Variants in DYSF observed in about 807,000 individuals in gnomAD.
DYSF encodes dystrophy-associated fer-1-like 1.
Under a neutral mutation model 274.9 loss-of-function variants are expected in DYSF, and 212 were observed. The observed-to-expected ratio is 0.77, with a 90% confidence interval of 0.69 to 0.86. The LOEUF is 0.86. Among genes scored for constraint, DYSF ranks in the 40% least tolerant of loss-of-function variants. The pLI is 0.00. For missense variants in DYSF, 2,666 were observed against 2,783.2 expected, an observed-to-expected ratio of 0.96 and a Z score of 0.95; for synonymous variants, 1,091 against 1,078.7, an observed-to-expected ratio of 1.01 and a Z score of -0.22.
chr2:71,520,158 T>C lies in DYSF; in HGVS notation c.1003-20T>C. On this transcript the variant is annotated intron_variant, in intron 10 of 55. Coordinates refer to ENST00000410020, the MANE Select transcript of DYSF (RefSeq NM_001130987.2). ...TTTGGCGGCAAGAGTTTGATTTGTG[T>C]CTCCTCTCATTGATTGCAGATGGAC... 2.5e-6 allele frequency: 4 copies of C among 1,614,208 alleles called. No homozygotes were observed. The highest frequency in any genetic ancestry group is 3.4e-6 in the Non-Finnish European group (4 of 1,180,038).
chr2:71,673,495 T>C (rs920124957), intron 51 of DYSF, among the ~76,000 whole-genome samples: 10 of 151,870 alleles, frequency 6.6e-5, no homozygotes, highest in African/African-American at 2.2e-4. Context: ...TGGAGTGAAG[T>C]TGGGTGGGGT....
rs1328631256 is a variant in DYSF, at chr2:71,684,578, C to CAAAT, written c.6322-1875_6322-1872dup. ...AGTAAGGAAAAGTACTGTGGATGAT[C>CAAAT]AAATGCTCTTTTGGGAGGCTCAGGC... is the stretch of plus-strand genomic sequence containing the variant. On this transcript the variant is annotated intron_variant, in intron 55 of 55. Transcript: ENST00000410020. Among the ~76,000 whole-genome samples, 4 of 152,326 alleles carry CAAAT rather than the reference C, an allele frequency of 2.6e-5. No homozygotes were observed. The East Asian group carries it at 7.7e-4, about 29-fold the overall frequency.
At chr2:71,544,694 G>A (rs1573886445) in intron 17 of DYSF, among the ~76,000 whole-genome samples, 1 of 152,048 alleles carries the variant, frequency 6.6e-6, no homozygotes, top group African/African-American at 2.4e-5. Flanking sequence ...CTCCTGACCT[G>A]AGGTGATCCA....
intron 30 of DYSF, among the ~76,000 whole-genome samples, chr2:71,587,601 G>A (rs901497156): frequency 2.0e-5 from 3 of 152,174 alleles, no homozygotes; most frequent in African/African-American, 7.2e-5. Flanking sequence ...TACATCTTCT[G>A]TATCTTCTTT....
At chr2:71,564,237 C>A (rs368966065) in intron 24 of DYSF, 24 bp downstream of exon 24, 14 of 1,613,982 alleles carry the variant, frequency 8.7e-6, no homozygotes, top group African/African-American at 1.3e-5. Flanking sequence ...TTTCCCAAGT[C>A]ATGATCGTAT....
intron 3 of DYSF, among the ~76,000 whole-genome samples, chr2:71,502,234 T>C (rs1457736407): frequency 6.6e-6 from 1 of 151,982 alleles, no homozygotes; most frequent in Non-Finnish European, 1.5e-5. Flanking sequence ...GTCATAAAAA[T>C]CTATATTCCA....
chr2:71,568,234 C>A lies in DYSF; in HGVS notation c.2760C>A (p.Pro920=). The A allele has an allele frequency of 6.2e-7, 1 of 1,614,242 alleles. No individual in the cohort carries two copies. The highest frequency in any genetic ancestry group is 1.1e-5 in the South Asian group (1 of 91,086). ...GNWGTTGLTY[P]KFSDVTGKIK... ...GGGGCACAACGGGCCTCACCTACCC[C>A]AAGTTTTCTGACGTCACGGGCAAGA... The change falls in exon 26 of 56, where the codon CCC becomes CCA. Residue 920 remains proline (P), a synonymous_variant. Coordinates refer to ENST00000410020, the MANE Select transcript of DYSF (RefSeq NM_001130987.2).
At chr2:71,507,789 C>T (rs972610175) in intron 4 of DYSF, among the ~76,000 whole-genome samples, 38 of 152,222 alleles carry the variant, frequency 2.5e-4, no homozygotes, top group Admixed American at 2.0e-3. Flanking sequence ...CGGAGCCCTG[C>T]GCTCACAAGG....
chr2:71,598,915 A>G (rs372409110), intron 33 of DYSF, among the ~76,000 whole-genome samples, 170 bp downstream of exon 33: 30 of 152,298 alleles, frequency 2.0e-4, no homozygotes, highest in African/African-American at 7.2e-4. Context: ...GCTAGCACAG[A>G]TGCCGTTCCC....
In DYSF at chr2:71,523,604, T is replaced by C. The variant is rs1485618633; in HGVS notation, c.1150-2616T>C. On this transcript the variant is annotated intron_variant, in intron 12 of 55. Transcript: ENST00000410020. ...CTCTGTCACCCAGGCTGGAGTGCCA[T>C]GGTGCAATCTCGGCTCACTGCAACC... Among the ~76,000 whole-genome samples, 11 of 149,244 alleles carry C rather than the reference T, an allele frequency of 7.4e-5. No individual in the cohort carries two copies. The East Asian group carries it at 1.4e-3, about 19-fold the overall frequency.
rs7558412 is a variant in DYSF at position 71,680,800 on chromosome 2, G to T, written c.6064-201G>T. Among the ~76,000 whole-genome samples the T allele has an allele frequency of 0.85, 130,034 of 152,294 alleles. 55,677 individuals are homozygous for T. Among genetic ancestry groups the T allele is most frequent in the African/African-American group, 0.9 (37,578 of 41,580 alleles). On this transcript the variant is annotated intron_variant, in intron 53 of 55. Coordinates refer to ENST00000410020, the MANE Select transcript of DYSF (RefSeq NM_001130987.2). ...TGCTTGTCTCCATGTAGTGGAAGTA[G>T]GGGTGGCAGTCTCCCTTCTTTATAC... is the stretch of plus-strand genomic sequence containing the variant.
intron 20 of DYSF, among the ~76,000 whole-genome samples, chr2:71,553,396 C>A (rs2091101313): frequency 6.6e-6 from 1 of 152,216 alleles, no homozygotes; most frequent in African/African-American, 2.4e-5. Flanking sequence ...CTGGGACCAG[C>A]TGTGGTCAGC....
chr2:71,454,180 G>T, intron 1 of DYSF: 1 of 1,271,768 alleles, frequency 7.9e-7, no homozygotes, highest in South Asian at 1.3e-5. Flanking sequence ...AGAGCTGAGA[G>T]ACAGGAGACT....
In DYSF at chr2:71,591,651, G is replaced by T. The variant is rs1349944780; in HGVS notation, c.3574+1363G>T. On this transcript the variant is annotated intron_variant, in intron 32 of 55. Transcript: ENST00000410020. ...GACAGAGCTTGGAAGGGAACCCAAGGCTATCACTGTCTGAGTGCCTGCTGT... is the reference window on the plus strand; with the variant it reads ...GACAGAGCTTGGAAGGGAACCCAAGTCTATCACTGTCTGAGTGCCTGCTGT... 1.3e-5 allele frequency among the ~76,000 whole-genome samples: 2 copies of T among 152,256 alleles called. 1 individual carries two copies. The highest frequency in any genetic ancestry group is 4.1e-4 in the South Asian group (2 of 4,834).
chr2:71,602,839 C>G (rs372241667), intron 36 of DYSF, 34 bp downstream of exon 36: 1 of 1,610,760 alleles, frequency 6.2e-7, no homozygotes, highest in Non-Finnish European at 8.5e-7. Context: ...ATGGGTGGGC[C>G]GAGGTAGAGG....
intron 13 of DYSF, 72 bp downstream of exon 13, chr2:71,526,418 T>TGGGGGGGGGGGGGGG: frequency 1.8e-4 from 48 of 261,394 alleles, no homozygotes; most frequent in Middle Eastern, 1.2e-3. Context: ...GGGTGGGCGA[T>TGGGGGGGGGGGGGGG]GGCGGGCGGG....
At chr2:71,678,283 G>A (rs1241134047) in intron 52 of DYSF, among the ~76,000 whole-genome samples, 2 of 152,064 alleles carry the variant, frequency 1.3e-5, no homozygotes, top group Non-Finnish European at 2.9e-5. Context: ...TCAAATTTCA[G>A]ATTTTCAGAT....
chr2:71,618,378 T>C, intron 40 of DYSF, among the ~76,000 whole-genome samples: 1 of 41,946 alleles, frequency 2.4e-5, no homozygotes, highest in Non-Finnish European at 5.0e-5. Flanking sequence ...GTGGCATGTG[T>C]GGTAGAGGTG....
At chr2:71,589,514 A>T in intron 30 of DYSF, 79 bp from the exon 31 acceptor site, 2 of 1,122,364 alleles carry the variant, frequency 1.8e-6, no homozygotes, top group Non-Finnish European at 2.7e-6. Context: ...GGCCCTGGGG[A>T]TCTAACTCTC....
Sources: gnomAD v4.1 joint callset for allele counts (sites outside exome capture counted in the v4.1 genomes callset) on GRCh38, gnomAD v4.1.1 for gene constraint, MANE v1.5 for transcripts, NCBI Gene and HGNC (gene_info 2026-07-23, HGNC 2026-07-21) for gene names.